The following HGF variants were observed in gnomAD, a reference collection of about 807,000 sequenced individuals.
HGF encodes fibroblast-derived tumor cytotoxic factor.
In HGF, 39 loss-of-function variants were observed where a neutral mutation model predicts 111.6. The ratio of observed to expected loss-of-function variants is 0.35; its 90% CI spans 0.27 to 0.46. The LOEUF (loss-of-function observed/expected upper bound fraction) is 0.46, where lower values mean the gene tolerates loss of function less well. Among genes scored for constraint, HGF ranks in the 20% least tolerant of loss-of-function variants. HGF has a pLI of 1.00. For synonymous variants in HGF, 285 were observed against 294.8 expected (o/e 0.97, Z 0.34); for missense variants, 735 against 910.5 (o/e 0.81, Z 2.48).
chr7:81,711,043 C>T (rs1250330649), intron 12 of HGF, among the ~76,000 whole-genome samples: 1 of 152,116 alleles, frequency 6.6e-6, no homozygotes, highest in Non-Finnish European at 1.5e-5. Context: ...TCATCTTGTG[C>T]CCACTTGACT....
chr7:81,750,943 TGAA>T, intron 5 of HGF: 1 of 921,158 alleles, frequency 1.1e-6, no homozygotes, highest in Non-Finnish European at 1.3e-6. Context: ...AAGAAAACAA[TGAA>T]GAGGTTATAG....
intron 1 of HGF, among the ~76,000 whole-genome samples, chr7:81,766,861 G>A (rs907499394): frequency 1.3e-5 from 2 of 152,112 alleles, no homozygotes; most frequent in African/African-American, 2.4e-5. Context: ...TCAGCTGCTC[G>A]CATGACATTC....
At chr7:81,737,648 T>G (rs1787876880) in intron 7 of HGF, among the ~76,000 whole-genome samples, 1 of 152,120 alleles carries the variant, frequency 6.6e-6, no homozygotes, top group Non-Finnish European at 1.5e-5. Context: ...TAAAGAAAAT[T>G]TTTTTAAATG....
Position 81,711,539 on chromosome 7 carries a change from G to C in HGF, c.1406-20C>G, listed in dbSNP as rs550709665. 8.7e-7 allele frequency: 1 copy of C among 1,146,318 alleles called. No homozygotes were observed. The highest frequency in any genetic ancestry group is 2.5e-5 in the East Asian group (1 of 40,668). The allele number at this position is 1,146,318 out of a possible 1,614,324, so 71.0% of individuals were successfully genotyped here. On this transcript the variant is annotated intron_variant, in intron 11 of 17. Coordinates refer to ENST00000222390, the MANE Select transcript of HGF (RefSeq NM_000601.6). ...CTTCACCTGTAAAAATAAATGTATA[G>C]ATAAATACACAATTCATATATGCAT...
At chr7:81,725,808 T>A (rs1029266250) in intron 9 of HGF, 82 bp downstream of exon 9, 1 of 1,454,562 alleles carries the variant, frequency 6.9e-7, no homozygotes, top group Admixed American at 1.7e-5. Flanking sequence ...AAGAAGTAGA[T>A]CTTATGCTGT....
At chr7:81,763,631 C>G (rs1259840862) in intron 1 of HGF, among the ~76,000 whole-genome samples, 1 of 152,148 alleles carries the variant, frequency 6.6e-6, no homozygotes, top group Non-Finnish European at 1.5e-5. Flanking sequence ...AAGACCTAAT[C>G]TTATGGATAA....
Position 81,702,589 on chromosome 7 carries a change from G to A in HGF, c.2179C>T (p.Gln727Ter), listed in dbSNP as rs140790665. 101 of 1,609,760 alleles carry A rather than the reference G, an allele frequency of 6.3e-5. No homozygotes were observed. The highest frequency in any genetic ancestry group is 7.6e-5 in the Non-Finnish European group (90 of 1,176,890). ...AGACACACTTACTTCAGCTATGACT[G>A]TGGTACCTTATATGTTAAAATAATT... ...HKIILTYKVP[Q>*]S The change falls in exon 18 of 18, where the codon CAG (glutamine) becomes TAG (stop). Residue 727 changes from glutamine (Q) to a stop codon, truncating the protein, a stop_gained. Transcript: ENST00000222390. LOFTEE classifies it high-confidence loss of function.
chr7:81,753,104 C>A (rs562973211), intron 4 of HGF, among the ~76,000 whole-genome samples: 2 of 152,132 alleles, frequency 1.3e-5, no homozygotes, highest in South Asian at 2.1e-4. Context: ...TAATAGTAAG[C>A]CATTGAGTGC....
rs1562894243 is a variant in HGF, at chr7:81,745,113, G to A, written c.633C>T (p.Cys211=). 6.2e-7 allele frequency: 1 copy of A among 1,613,692 alleles called. No homozygotes were observed. The highest frequency in any genetic ancestry group is 8.5e-7 in the Non-Finnish European group (1 of 1,179,694). ...GATAACTCTCCCCATTGCAGGTCATGCATTCAACTAATAAAATTAAAGTAT... is the reference window on the plus strand; with the variant it reads ...GATAACTCTCCCCATTGCAGGTCATACATTCAACTAATAAAATTAAAGTAT... ...CDIPQCSEVE[C]MTCNGESYRG... Residue 211 remains cysteine (C), a synonymous_variant, in exon 6 of 18, where the codon TGC becomes TGT. Coordinates refer to ENST00000222390, the MANE Select transcript of HGF (RefSeq NM_000601.6).
chr7:81,759,750 C>T (rs867623009), intron 2 of HGF, among the ~76,000 whole-genome samples: 9 of 152,168 alleles, frequency 5.9e-5, no homozygotes, highest in Admixed American at 2.6e-4. Flanking sequence ...GTGATCTACC[C>T]GCCTCGGCCT....
chr7:81,707,292 A>G lies in HGF; in HGVS notation c.1614T>C (p.Ser538=), dbSNP rs368519009. ...WVLTARQCFP[S]RDLKDYEAWL... Reference sequence around the variant, plus strand: ...TACTAGTTTTAAAAACACTTTACCGAGAAGGGAAACACTGTCGTGCAGTAA... The same window carrying G: ...TACTAGTTTTAAAAACACTTTACCGGGAAGGGAAACACTGTCGTGCAGTAA... Residue 538 remains serine (S), a splice_region_variant and synonymous_variant, in exon 14 of 18, where the codon TCT becomes TCC. Coordinates refer to ENST00000222390, the MANE Select transcript of HGF (RefSeq NM_000601.6). 22 of 1,563,066 alleles carry G rather than the reference A, an allele frequency of 1.4e-5. No individual in the cohort carries two copies. Among genetic ancestry groups the G allele is most frequent in the South Asian group, 2.2e-5 (2 of 90,032 alleles).
intron 10 of HGF, among the ~76,000 whole-genome samples, chr7:81,719,787 C>T (rs575238598): frequency 5.9e-5 from 9 of 152,126 alleles, no homozygotes; most frequent in African/African-American, 1.9e-4. Context: ...CAATATAATC[C>T]ACTATTGAGT....
chr7:81,746,069 G>A (rs538847539), intron 5 of HGF, among the ~76,000 whole-genome samples: 4 of 152,320 alleles, frequency 2.6e-5, no homozygotes, highest in African/African-American at 9.6e-5. Flanking sequence ...GAAGTGGGAA[G>A]AGGCATCAAT....
intron 8 of HGF, among the ~76,000 whole-genome samples, chr7:81,727,531 T>C (rs977935431): frequency 4.6e-5 from 7 of 151,978 alleles, no homozygotes; most frequent in Non-Finnish European, 1.0e-4. Flanking sequence ...AGCCTTCTTA[T>C]AAAATTATTA....
At chr7:81,759,149 T>C (rs1047286587) in intron 2 of HGF, among the ~76,000 whole-genome samples, 4 of 152,196 alleles carry the variant, frequency 2.6e-5, no homozygotes, top group Non-Finnish European at 4.4e-5. Flanking sequence ...GCTTTATTTT[T>C]CTGTAACTTC....
chr7:81,720,840 A>G lies in HGF; in HGVS notation c.1176T>C (p.Tyr392=), dbSNP rs1045002807. 3.2e-6 allele frequency: 5 copies of G among 1,562,266 alleles called. No individual in the cohort carries two copies. The South Asian group carries it at 4.4e-5, about 14-fold the overall frequency. Residue 392 remains tyrosine (Y), a synonymous_variant, in exon 10 of 18, where the codon TAT becomes TAC. Coordinates refer to ENST00000222390, the MANE Select transcript of HGF (RefSeq NM_000601.6). The stretch of plus-strand genomic sequence containing the variant: ...CCATATAATTTTTGCCATTCCCACG[A>G]TAACAATCTAGACATAAAATATACA... ...NCDMSHGQDC[Y]RGNGKNYMGN...
chr7:81,769,864 A>C lies in HGF; in HGVS notation c.88+20T>G. 6.6e-7 allele frequency: 1 copy of C among 1,508,986 alleles called. No individual in the cohort carries two copies. The highest frequency in any genetic ancestry group is 1.2e-5 in the South Asian group (1 of 83,172). The allele number at this position is 1,508,986 out of a possible 1,614,324, so 93.5% of individuals were successfully genotyped here. On this transcript the variant is annotated intron_variant, in intron 1 of 17. Transcript: ENST00000222390. ...AGTTAAATACTAATACTAATAATGA[A>C]GAAGAAGAAGGGAACTAACCTGCAT...
At chr7:81,726,065 G>A (rs1365294573) in intron 8 of HGF, 48 bp from the exon 9 acceptor site, 2 of 1,581,396 alleles carry the variant, frequency 1.3e-6, no homozygotes, top group African/African-American at 2.7e-5. Flanking sequence ...TTCTTACGTT[G>A]GTGAAGTCAG....
chr7:81,751,072 C>T (rs1316716468), intron 5 of HGF: 4 of 983,404 alleles, frequency 4.1e-6, no homozygotes, highest in Admixed American at 6.2e-5. Flanking sequence ...AAATCCTTCT[C>T]TGTGACAATT....
Sources: allele counts gnomAD v4.1 joint callset (sites outside exome capture counted in the v4.1 genomes callset), GRCh38; gene constraint gnomAD v4.1.1; transcripts MANE v1.5; gene names NCBI Gene and HGNC (gene_info 2026-07-23, HGNC 2026-07-21).